The following ADGRL2 variants were observed in gnomAD, a reference collection of about 807,000 sequenced individuals.
The protein encoded by ADGRL2 is adhesion G protein-coupled receptor L2.
In ADGRL2, 44 loss-of-function variants were observed where a neutral mutation model predicts 157.4. That is an observed-to-expected ratio of 0.28 (90% CI 0.22 to 0.36). The LOEUF (loss-of-function observed/expected upper bound fraction) is 0.36, where lower values mean the gene tolerates loss of function less well. Ranked by LOEUF, ADGRL2 falls within the 10% of genes least tolerant of loss-of-function variation. The pLI, the probability that ADGRL2 is intolerant of heterozygous loss-of-function variation, is 1.00. For missense variants in ADGRL2, 1,510 were observed against 1,768.9 expected (o/e 0.85, Z 2.63); for synonymous variants, 585 against 624.7 (o/e 0.94, Z 0.95).
intron 3 of ADGRL2, among the ~76,000 whole-genome samples, chr1:81,658,300 G>T (rs998500100): frequency 6.6e-6 from 1 of 152,144 alleles, no homozygotes. Context: ...TCACCATGTT[G>T]CCCAGGCTGG....
At chr1:81,774,516 A>G (rs1207635629) in intron 2 of ADGRL2, among the ~76,000 whole-genome samples, 1 of 152,172 alleles carries the variant, frequency 6.6e-6, no homozygotes, top group Admixed American at 6.5e-5. Context: ...GACCATGTCT[A>G]TTGAATCAGA....
chr1:81,696,588 T>A (rs959974640), upstream of ADGRL2, among the ~76,000 whole-genome samples: 6 of 151,892 alleles, frequency 4.0e-5, no homozygotes, highest in African/African-American at 1.5e-4. Context: ...CCGTCGCTAC[T>A]AAAAATACAA....
In ADGRL2 at chr1:81,952,996, C is replaced by T. The variant is rs940146446; in HGVS notation, c.1804C>T (p.Arg602Ter). ...AGRSYNKLQK[R>*]EKTCRAYLKA... ...TTCTTTTACTTAAAAGCTCCAAAAA[C>T]GAGAGAAGACATGCAGGGCTTACCT... Residue 602 changes from arginine to a stop codon, truncating the protein, a stop_gained, in exon 10 of 24, where the codon CGA (arginine) becomes TGA (stop). Coordinates refer to ENST00000686636, the MANE Select transcript of ADGRL2 (RefSeq NM_001366006.2). LOFTEE classifies it high-confidence loss of function. The T allele has an allele frequency of 1.2e-6, 2 of 1,611,480 alleles. No individual in the cohort carries two copies. Among genetic ancestry groups the T allele is most frequent in the African/African-American group, 1.3e-5 (1 of 74,882 alleles).
Position 81,943,534 on chromosome 1 carries a change from C to A in ADGRL2, c.975C>A (p.Leu325=). The A allele has an allele frequency of 6.2e-7, 1 of 1,613,704 alleles. No homozygotes were observed. Among genetic ancestry groups the A allele is most frequent in the African/African-American group, 1.3e-5 (1 of 74,996 alleles). Residue 325 remains leucine, a synonymous_variant, in exon 6 of 24, where the codon CTC becomes CTA. Coordinates refer to ENST00000686636, the MANE Select transcript of ADGRL2 (RefSeq NM_001366006.2). The surrounding 1 kb of genome is among the most constrained non-coding windows in gnomAD (Gnocchi z 5.6). ...ATGCTTTTATGATATGCGGAGTCCT[C>A]TATGTGGTTAGGTCAGTTTATCAAG... The part of the protein sequence containing the change: ...ASNAFMICGV[L]YVVRSVYQDN...
intron 1 of ADGRL2, among the ~76,000 whole-genome samples, chr1:81,823,466 C>G (rs1466067345): frequency 6.7e-6 from 1 of 149,456 alleles, no homozygotes; most frequent in Non-Finnish European, 1.5e-5. Context: ...TTGTCAAAAA[C>G]ATTTATTATG....
rs373027151 is a variant in ADGRL2 at position 81,705,604 on chromosome 1, C to T, written c.-143+5796C>T. ...GCCAGGTCAGCCTGTGAAAGAACAGCAGGAAGCCAGCCTATAGAAAAGAGG... is the reference window on the plus strand; with the variant it reads ...GCCAGGTCAGCCTGTGAAAGAACAGTAGGAAGCCAGCCTATAGAAAAGAGG... On this transcript the variant is annotated intron_variant, in intron 1 of 20. Coordinates refer to the ADGRL2 transcript ENST00000359929. Among the ~76,000 whole-genome samples, 14 of 152,050 alleles carry T rather than the reference C, an allele frequency of 9.2e-5. No homozygotes were observed. In the East Asian group the frequency reaches 1.4e-3, roughly 15 times the overall value.
intron 1 of ADGRL2, among the ~76,000 whole-genome samples, chr1:81,750,069 T>G (rs538290006): frequency 6.6e-6 from 1 of 152,336 alleles, no homozygotes; most frequent in African/African-American, 2.4e-5. Flanking sequence ...AAGAAAAATT[T>G]TCAATTAAAC....
intron 3 of ADGRL2, chr1:81,586,480 T>C (rs1244855748): frequency 6.6e-6 from 1 of 152,136 alleles, no homozygotes; most frequent in African/African-American, 2.4e-5. Flanking sequence ...CTTTTTATTA[T>C]CGTTTTTACC....
intron 1 of ADGRL2, among the ~76,000 whole-genome samples, chr1:81,342,246 ATAT>A (rs989491194): frequency 6.6e-6 from 1 of 152,236 alleles, no homozygotes; most frequent in African/African-American, 2.4e-5. Flanking sequence ...TCTACTAAAA[ATAT>A]TATTTAAATG....
At chr1:81,801,177 C>T (rs543811518) in intron 1 of ADGRL2, among the ~76,000 whole-genome samples, 109 bp downstream of exon 1, 3 of 152,226 alleles carry the variant, frequency 2.0e-5, no homozygotes, top group Non-Finnish European at 4.4e-5. Flanking sequence ...TATAGATTAT[C>T]TGCTCCACGT....
Position 81,939,566 on chromosome 1 carries a change from A to G in ADGRL2, c.398-2468A>G, listed in dbSNP as rs909148840. Among the ~76,000 whole-genome samples, 4 of 151,542 alleles carry G rather than the reference A, an allele frequency of 2.6e-5. No individual in the cohort carries two copies. The South Asian group carries it at 8.3e-4, about 31-fold the overall frequency. On this transcript the variant is annotated intron_variant, in intron 4 of 23. Coordinates refer to ENST00000686636, the MANE Select transcript of ADGRL2 (RefSeq NM_001366006.2). Reference sequence around the variant, plus strand: ...AATGAAATAGTGTGTCACTTCACATACAGAGTATGTAGGCTGTGTAGTTAG... The same window carrying G: ...AATGAAATAGTGTGTCACTTCACATGCAGAGTATGTAGGCTGTGTAGTTAG...
At position 81,801,079 on chromosome 1, in the gene ADGRL2, C is replaced by T. The variant is rs988415993; in HGVS notation, c.-101+11C>T. ...GAAGGGCTCGAGCCCGTAAGTATCC[C>T]CTTTCGCTCCTCCTCCCCGCCGCTT... On this transcript the variant is annotated intron_variant, in intron 1 of 23. Transcript: ENST00000686636. 2.6e-5 allele frequency among the ~76,000 whole-genome samples: 4 copies of T among 152,004 alleles called. No individual in the cohort carries two copies. Among genetic ancestry groups the T allele is most frequent in the African/African-American group, 9.7e-5 (4 of 41,448 alleles).
At chr1:81,712,753 G>A (rs922004914) in intron 1 of ADGRL2, among the ~76,000 whole-genome samples, 2 of 139,048 alleles carry the variant, frequency 1.4e-5, no homozygotes, top group African/African-American at 5.4e-5. Flanking sequence ...CCTGGATCGC[G>A]GATTTTTTTT....
intron 9 of ADGRL2, 81 bp downstream of exon 9, chr1:81,952,223 A>C (rs1331876139): frequency 5.9e-6 from 7 of 1,194,544 alleles, no homozygotes; most frequent in Non-Finnish European, 8.1e-6. Flanking sequence ...TGAGAGCCAA[A>C]TCTTTGGCCC....
chr1:81,634,711 C>G (rs191586684), intron 3 of ADGRL2, among the ~76,000 whole-genome samples: 2 of 151,920 alleles, frequency 1.3e-5, no homozygotes, highest in African/African-American at 4.8e-5. Context: ...TTAGTAGAGA[C>G]GGGGTTTCAC....
Position 81,987,047 on chromosome 1 carries a change from A to C in ADGRL2, c.3637+18A>C. On this transcript the variant is annotated intron_variant, in intron 22 of 23. Coordinates refer to ENST00000686636, the MANE Select transcript of ADGRL2 (RefSeq NM_001366006.2). ...CTCACCAGGTGTGCTTTACTTACAAATAAAACTACCTTTCTTTGCTGCTAA... is the reference window on the plus strand; with the variant it reads ...CTCACCAGGTGTGCTTTACTTACAACTAAAACTACCTTTCTTTGCTGCTAA... The C allele has an allele frequency of 6.2e-7, 1 of 1,607,632 alleles. No individual in the cohort carries two copies. The highest frequency in any genetic ancestry group is 8.5e-7 in the Non-Finnish European group (1 of 1,177,962).
chr1:81,831,077 TTC>T (rs903924475), intron 1 of ADGRL2, among the ~76,000 whole-genome samples: 4 of 152,180 alleles, frequency 2.6e-5, no homozygotes, highest in African/African-American at 9.6e-5. Context: ...GTTGAGTTTT[TTC>T]TGTTATACTT....
intron 2 of ADGRL2, among the ~76,000 whole-genome samples, chr1:81,566,684 C>G (rs1311037398): frequency 6.6e-6 from 1 of 152,010 alleles, no homozygotes. Flanking sequence ...TATGAATATG[C>G]CTTACAGGAA....
intron 1 of ADGRL2, among the ~76,000 whole-genome samples, chr1:81,383,267 CCTG>C (rs2076374101): frequency 1.3e-5 from 2 of 152,104 alleles, no homozygotes; most frequent in South Asian, 4.1e-4. Context: ...AAGTGATAGA[CCTG>C]AGCTGGTTCC....
Sources: gnomAD v4.1 joint callset for allele counts (sites outside exome capture counted in the v4.1 genomes callset) on GRCh38, gnomAD v4.1.1 for gene constraint, Gnocchi (gnomAD v3.1) non-coding constraint, MANE v1.5 for transcripts, NCBI Gene and HGNC (gene_info 2026-07-23, HGNC 2026-07-21) for gene names.